MANBA: variants seen among roughly 807,000 people sequenced by gnomAD.
MANBA encodes the protein mannosidase beta, also known as beta-mannosidase.
A neutral mutation model predicts 111.1 loss-of-function variants in MANBA; 83 were observed. The ratio of observed to expected loss-of-function variants is 0.75; its 90% CI spans 0.63 to 0.90. MANBA has a LOEUF of 0.90. MANBA is among the 40% of genes least tolerant of loss of function. The pLI is 0.00. For synonymous variants in MANBA, 370 were observed against 378.7 expected (o/e 0.98, Z 0.27); for missense variants, 1,036 against 1,069.0 (o/e 0.97, Z 0.43).
chr4:102,639,852 C>A lies in MANBA; in HGVS notation c.1875G>T (p.Met625Ile). The A allele has an allele frequency of 6.2e-7, 1 of 1,614,030 alleles. No homozygotes were observed. The part of the protein sequence containing the change: ...FKDTIYLTQV[M>I]QAQCVKTETE... ...TTTCTGTTTTGACACACTGGGCCTGCATCACCTGATTCAGGAAAACATTCA... is the reference window on the plus strand; with the variant it reads ...TTTCTGTTTTGACACACTGGGCCTGAATCACCTGATTCAGGAAAACATTCA... The change falls in exon 14 of 17, where the codon ATG becomes ATT. Residue 625 changes from methionine to isoleucine, a missense_variant. Physicochemically the swap from Met to Ile is conservative, Grantham distance 10 (BLOSUM62 1). Coordinates refer to ENST00000647097, the MANE Select transcript of MANBA (RefSeq NM_005908.4).
intron 4 of MANBA, among the ~76,000 whole-genome samples, chr4:102,720,855 G>A (rs917782920): frequency 2.0e-5 from 3 of 152,252 alleles, no homozygotes; most frequent in Non-Finnish European, 4.4e-5. Context: ...CAAACAGGAG[G>A]AGGTATAATT....
chr4:102,672,972 A>G (rs1431236474), intron 8 of MANBA, among the ~76,000 whole-genome samples: 1 of 152,100 alleles, frequency 6.6e-6, no homozygotes, highest in African/African-American at 2.4e-5. Flanking sequence ...CAAGTAGCTA[A>G]AATCTACTCA....
intron 12 of MANBA, among the ~76,000 whole-genome samples, chr4:102,655,327 T>C (rs1730516003): frequency 6.6e-6 from 1 of 152,044 alleles, no homozygotes; most frequent in African/African-American, 2.4e-5. Context: ...CCAAGACTCA[T>C]TTGGAAATGC....
At chr4:102,657,585 A>G in intron 12 of MANBA, 97 bp downstream of exon 12, 1 of 989,252 alleles carries the variant, frequency 1.0e-6, no homozygotes, top group Admixed American at 1.9e-5. Flanking sequence ...TTTAAATAAG[A>G]CGTAGGTTTC....
At chr4:102,690,898 T>A (rs1732449478) in intron 5 of MANBA, 127 bp from the exon 6 acceptor site, 1 of 275,204 alleles carries the variant, frequency 3.6e-6, no homozygotes, top group Admixed American at 5.2e-5. Flanking sequence ...TGCTCCACAA[T>A]GCTGTCATAA....
At chr4:102,758,827 T>A (rs1025284344) in intron 1 of MANBA, among the ~76,000 whole-genome samples, 1 of 152,136 alleles carries the variant, frequency 6.6e-6, no homozygotes, top group African/African-American at 2.4e-5. Flanking sequence ...CCCAGCCTGA[T>A]GATTATTTTC....
At chr4:102,697,404 G>A (rs1347369382) in intron 5 of MANBA, among the ~76,000 whole-genome samples, 1 of 151,684 alleles carries the variant, frequency 6.6e-6, no homozygotes, top group Non-Finnish European at 1.5e-5. Flanking sequence ...TGTGCACAAT[G>A]TGCAGGTTAG....
Position 102,736,280 on chromosome 4 carries a change from A to G in MANBA, c.178-9597T>C, listed in dbSNP as rs1028069209. 7.2e-5 allele frequency among the ~76,000 whole-genome samples: 11 copies of G among 152,200 alleles called. No homozygotes were observed. In the South Asian group the frequency reaches 2.3e-3, roughly 31 times the overall value. Reference sequence around the variant, plus strand: ...TTATAAAGCAGCAGCCATGAAATAAACATGCCGTGTGTGCCTCGGCTAGTG... The same window carrying G: ...TTATAAAGCAGCAGCCATGAAATAAGCATGCCGTGTGTGCCTCGGCTAGTG... On this transcript the variant is annotated intron_variant, in intron 1 of 16. Coordinates refer to ENST00000647097, the MANE Select transcript of MANBA (RefSeq NM_005908.4).
At chr4:102,654,714 A>G (rs1730486663) in intron 12 of MANBA, among the ~76,000 whole-genome samples, 1 of 152,188 alleles carries the variant, frequency 6.6e-6, no homozygotes, top group African/African-American at 2.4e-5. Context: ...CATCTACTAA[A>G]AACCTATTGT....
chr4:102,734,673 G>C, intron 1 of MANBA: 1 of 1,204,220 alleles, frequency 8.3e-7, no homozygotes, highest in Non-Finnish European at 1.2e-6. Context: ...CAGCCCTCCT[G>C]GGAATCTATA....
Position 102,650,711 on chromosome 4 carries a change from A to G in MANBA, c.1705-10T>C. On this transcript the variant is annotated splice_polypyrimidine_tract_variant and intron_variant, in intron 12 of 16. Transcript: ENST00000647097. ...CCTCTGTAGACGAGACCTTTCAAATAAAGAATAAGAATTAGAAATCTGAAA... is the reference window on the plus strand; with the variant it reads ...CCTCTGTAGACGAGACCTTTCAAATGAAGAATAAGAATTAGAAATCTGAAA... The G allele has an allele frequency of 3.7e-6, 6 of 1,607,578 alleles. No individual in the cohort carries two copies. The highest frequency in any genetic ancestry group is 5.1e-6 in the Non-Finnish European group (6 of 1,174,298).
At chr4:102,722,687 A>G (rs191713141) in intron 4 of MANBA, 184 bp downstream of exon 4, 1 of 649,432 alleles carries the variant, frequency 1.5e-6, no homozygotes, top group Admixed American at 2.7e-5. Flanking sequence ...AGAAAAAGAT[A>G]AAGATTCTCC....
intron 4 of MANBA, among the ~76,000 whole-genome samples, chr4:102,720,918 G>T (rs1223401228): frequency 6.6e-6 from 1 of 152,160 alleles, no homozygotes; most frequent in African/African-American, 2.4e-5. Flanking sequence ...AATCAATCCA[G>T]CTGAAAAAGA....
intron 13 of MANBA, among the ~76,000 whole-genome samples, chr4:102,645,951 G>C (rs1442761155): frequency 6.6e-6 from 1 of 152,008 alleles, no homozygotes; most frequent in Non-Finnish European, 1.5e-5. Context: ...CACCATTATT[G>C]CAACTGTGAA....
intron 7 of MANBA, among the ~76,000 whole-genome samples, chr4:102,685,886 A>G (rs1732186893): frequency 6.7e-6 from 1 of 150,100 alleles, no homozygotes; most frequent in Non-Finnish European, 1.5e-5. Context: ...ACAGTTCCTC[A>G]ATCTTTCCTT....
intron 12 of MANBA, among the ~76,000 whole-genome samples, chr4:102,655,312 A>G (rs1027229927): frequency 4.6e-5 from 7 of 152,168 alleles, no homozygotes; most frequent in African/African-American, 1.4e-4. Flanking sequence ...ATTGGCAAAT[A>G]GATCCCAAGA....
At chr4:102,689,503 A>G (rs2110242513) in intron 7 of MANBA, 71 bp downstream of exon 7, 2 of 990,860 alleles carry the variant, frequency 2.0e-6, no homozygotes, top group East Asian at 5.3e-5. Flanking sequence ...TTCTTTTCCC[A>G]TGAAGATCTG....
chr4:102,661,274 G>T (rs967388472), intron 11 of MANBA, among the ~76,000 whole-genome samples: 1 of 152,044 alleles, frequency 6.6e-6, no homozygotes, highest in African/African-American at 2.4e-5. Context: ...AAAATTAATG[G>T]TTCTGCCACA....
chr4:102,646,150 C>G (rs1730091988), intron 13 of MANBA, among the ~76,000 whole-genome samples: 1 of 152,076 alleles, frequency 6.6e-6, no homozygotes, highest in East Asian at 1.9e-4. Flanking sequence ...GACCCAGGAC[C>G]AGGCAGGCAT....
Sources: gnomAD v4.1 joint callset for allele counts (sites outside exome capture counted in the v4.1 genomes callset) on GRCh38, gnomAD v4.1.1 for gene constraint, MANE v1.5 for transcripts, NCBI Gene and HGNC (gene_info 2026-07-23, HGNC 2026-07-21) for gene names.